Variants in ENDOV observed in about 807,000 individuals in gnomAD.
The protein encoded by ENDOV is endonuclease V, also known as hEndoV.
A neutral mutation model predicts 39.4 loss-of-function variants in ENDOV; 37 were observed. That is an observed-to-expected ratio of 0.94 (90% CI 0.72 to 1.23). The LOEUF (loss-of-function observed/expected upper bound fraction) is 1.23. Ranked by LOEUF, ENDOV falls within the 50% of genes most tolerant of loss-of-function variation. ENDOV has a pLI of 0.00. For synonymous variants in ENDOV, 186 were observed against 163.4 expected, an observed-to-expected ratio of 1.14 and a Z score of -1.05; for missense variants, 441 against 375.7, an observed-to-expected ratio of 1.17 and a Z score of -1.44.
rs755030759 is a variant in ENDOV at position 80,425,050 on chromosome 17, CGAG to C, written c.539_541del (p.Gly180del). On this transcript the variant is annotated inframe_deletion, in exon 6 of 10. Coordinates refer to ENST00000518137, the MANE Select transcript of ENDOV (RefSeq NM_173627.5). ...TTTCCAGATCCGACTCCTGCAGACTCGAGGAGACTCATTCCCTCTGCTGGGAGA... is the reference window on the plus strand; with the variant it reads ...TTTCCAGATCCGACTCCTGCAGACTCGAGACTCATTCCCTCTGCTGGGAGA... The C allele has an allele frequency of 1.9e-6, 3 of 1,612,396 alleles. No homozygotes were observed. Among genetic ancestry groups the C allele is most frequent in the East Asian group, 2.2e-5 (1 of 44,854 alleles).
chr17:80,431,046 T>C (rs530971946), intron 9 of ENDOV, among the ~76,000 whole-genome samples: 17 of 152,326 alleles, frequency 1.1e-4, no homozygotes, highest in African/African-American at 4.1e-4. Context: ...GATGCTGGAA[T>C]CTGCCACAGA....
chr17:80,415,194 C>A lies in ENDOV; in HGVS notation c.-1C>A. 1 of 1,613,232 alleles carries A rather than the reference C, an allele frequency of 6.2e-7. No individual in the cohort carries two copies. The highest frequency in any genetic ancestry group is 8.5e-7 in the Non-Finnish European group (1 of 1,179,680). On this transcript the variant is annotated 5_prime_UTR_variant, in exon 1 of 10. Coordinates refer to ENST00000518137, the MANE Select transcript of ENDOV (RefSeq NM_173627.5). ...GCGGAAGGGGTGCCCGGGACGAAGC[C>A]ATGGCCCTGGAGGCGGCGGGAGGGC...
At chr17:80,415,615 G>A (rs1395592614) in intron 1 of ENDOV, 35 bp from the exon 2 acceptor site, 1 of 1,603,492 alleles carries the variant, frequency 6.2e-7, no homozygotes, top group Non-Finnish European at 8.5e-7. Flanking sequence ...TCTGAGGTGT[G>A]ACCCCGACCA....
rs1358947948 is a variant in ENDOV, at chr17:80,415,933, T to G, written c.228+112T>G. On this transcript the variant is annotated intron_variant, in intron 2 of 9. Transcript: ENST00000518137. ...GAACCCGGCTTCTCGTTTTGTAGGA[T>G]GTCATTAATAGTCTGGGGAGTTGGC... 4 of 1,373,122 alleles carry G rather than the reference T, an allele frequency of 2.9e-6. No individual in the cohort carries two copies. In the African/African-American group the frequency reaches 6.0e-5, roughly 21 times the overall value. The allele number at this position is 1,373,122 out of a possible 1,614,324, so 85.1% of individuals were successfully genotyped here. A position where few individuals can be genotyped will look rare whatever the true frequency, so the allele number is the denominator to read the frequency against.
At chr17:80,415,960 G>A in intron 2 of ENDOV, 139 bp downstream of exon 2, 3 of 1,130,478 alleles carry the variant, frequency 2.7e-6, no homozygotes, top group Non-Finnish European at 1.2e-6. Flanking sequence ...GGAGTTGGCC[G>A]GGCGCGGTGG....
chr17:80,433,131 G>C (rs781247385), intron 9 of ENDOV: 1 of 520,146 alleles, frequency 1.9e-6, no homozygotes, highest in Non-Finnish European at 3.8e-6. Context: ...ACAGGTGGCA[G>C]GGAATTAGAG....
intron 2 of ENDOV, 56 bp downstream of exon 2, chr17:80,415,877 G>A: frequency 6.5e-7 from 1 of 1,543,708 alleles, no homozygotes. Context: ...TCGGGCGTGC[G>A]GTCTCCGGGA....
At chr17:80,419,202 C>T (rs2081617856) in intron 2 of ENDOV, among the ~76,000 whole-genome samples, 1 of 151,636 alleles carries the variant, frequency 6.6e-6, no homozygotes, top group African/African-American at 2.4e-5. Flanking sequence ...GATTCCAGAG[C>T]CCTACCCCAC....
At chr17:80,434,217 G>T (rs1376247034) in intron 9 of ENDOV, among the ~76,000 whole-genome samples, 1 of 152,236 alleles carries the variant, frequency 6.6e-6, no homozygotes, top group Non-Finnish European at 1.5e-5. Flanking sequence ...AGTCTTTTCT[G>T]TCTGGCTTCC....
rs763735095 is a variant in ENDOV at position 80,429,940 on chromosome 17, A to G, written c.838+109A>G. 4 of 1,591,784 alleles carry G rather than the reference A, an allele frequency of 2.5e-6. No individual in the cohort carries two copies. In the African/African-American group the frequency reaches 4.0e-5, roughly 16 times the overall value. ...TGGCAGTAGGGTGGAACTGGGCACC[A>G]TGAAGACAAGAAGGCCACCGGCCAC... is the stretch of plus-strand genomic sequence containing the variant. On this transcript the variant is annotated intron_variant, in intron 9 of 9. Coordinates refer to ENST00000518137, the MANE Select transcript of ENDOV (RefSeq NM_173627.5).
chr17:80,428,144 T>C (rs1420445893), intron 7 of ENDOV, among the ~76,000 whole-genome samples: 1 of 152,172 alleles, frequency 6.6e-6, no homozygotes, highest in African/African-American at 2.4e-5. Flanking sequence ...GGACAGGGGT[T>C]ACTGCTGATC....
chr17:80,431,098 A>G (rs899858165), intron 9 of ENDOV, among the ~76,000 whole-genome samples: 4 of 152,098 alleles, frequency 2.6e-5, no homozygotes, highest in African/African-American at 9.7e-5. Context: ...CATTCACCTG[A>G]CCTCTACAAG....
chr17:80,422,083 G>A lies in ENDOV; in HGVS notation c.363+121G>A. On this transcript the variant is annotated intron_variant, in intron 3 of 9. Coordinates refer to ENST00000518137, the MANE Select transcript of ENDOV (RefSeq NM_173627.5). ...AGACTCATGAGCTTCCTGGAAGAGA[G>A]GAATGAGGATTTCTAAAAAGCTGGA... is the stretch of plus-strand genomic sequence containing the variant. The A allele has an allele frequency of 2.6e-6, 4 of 1,560,652 alleles. No homozygotes were observed. In the Admixed American group the frequency reaches 5.5e-5, roughly 22 times the overall value.
chr17:80,417,683 A>G (rs1278524413), intron 2 of ENDOV: 3 of 152,204 alleles, frequency 2.0e-5, no homozygotes, highest in African/African-American at 7.2e-5. Flanking sequence ...TGGGGAGGAC[A>G]CCAGCATTTA....
At chr17:80,424,794 A>G (rs568452120) in intron 5 of ENDOV, among the ~76,000 whole-genome samples, 1 of 152,266 alleles carries the variant, frequency 6.6e-6, no homozygotes, top group South Asian at 2.1e-4. Flanking sequence ...TCTCTACTAA[A>G]AATACAAAAA....
At chr17:80,422,327 A>T in intron 4 of ENDOV, 82 bp downstream of exon 4, 1 of 1,538,132 alleles carries the variant, frequency 6.5e-7, no homozygotes, top group East Asian at 2.3e-5. Context: ...CCCCACAGAA[A>T]ATGCTGGGCC....
At chr17:80,421,764 G>C in intron 2 of ENDOV, 64 bp from the exon 3 acceptor site, 1 of 1,543,490 alleles carries the variant, frequency 6.5e-7, no homozygotes, top group Non-Finnish European at 8.7e-7. Flanking sequence ...GGGCATGGAC[G>C]GACTGGGGAT....
rs1249684708 is a variant in ENDOV, at chr17:80,437,901, C to T, written c.*1758C>T. On this transcript the variant is annotated 3_prime_UTR_variant, in exon 10 of 10. Coordinates refer to ENST00000518137, the MANE Select transcript of ENDOV (RefSeq NM_173627.5). ...TTGATGTGATTCTGCTGTAATGTAACTTCGGAGCCAGCTGGATGGATGTGA... is the reference window on the plus strand; with the variant it reads ...TTGATGTGATTCTGCTGTAATGTAATTTCGGAGCCAGCTGGATGGATGTGA... 1 of 152,170 alleles carries T rather than the reference C, an allele frequency of 6.6e-6. No individual in the cohort carries two copies. The highest frequency in any genetic ancestry group is 2.4e-5 in the African/African-American group (1 of 41,410). 9.4% of individuals were successfully genotyped at this position (152,170 alleles called of 1,614,324 possible).
rs2083638354 is a variant in ENDOV at position 80,437,731 on chromosome 17, C to T, written c.*1588C>T. The T allele has an allele frequency of 6.6e-6, 1 of 152,208 alleles. No individual in the cohort carries two copies. Among genetic ancestry groups the T allele is most frequent in the Non-Finnish European group, 1.5e-5 (1 of 68,050 alleles). The allele number at this position is 152,208 out of a possible 1,614,324, so 9.4% of individuals were successfully genotyped here. A position where few individuals can be genotyped will look rare whatever the true frequency, so the allele number is the denominator to read the frequency against. On this transcript the variant is annotated 3_prime_UTR_variant, in exon 10 of 10. Coordinates refer to ENST00000518137, the MANE Select transcript of ENDOV (RefSeq NM_173627.5). The stretch of plus-strand genomic sequence containing the variant: ...AACAAAACAGGAAAGAACACACGGC[C>T]CCGCGTCTGTTGCCTGAGTCACTGT...
Sources: gnomAD v4.1 joint callset for allele counts (sites outside exome capture counted in the v4.1 genomes callset) on GRCh38, gnomAD v4.1.1 for gene constraint, MANE v1.5 for transcripts, NCBI Gene and HGNC (gene_info 2026-07-23, HGNC 2026-07-21) for gene names.